ZNF221: variants seen among roughly 807,000 people sequenced by gnomAD.
ZNF221 encodes the protein zinc finger protein 221.
ZNF221 carries 10 observed loss-of-function variants against 12.6 expected under a neutral mutation model. That is an observed-to-expected ratio of 0.79 (90% CI 0.49 to 1.34). The LOEUF (loss-of-function observed/expected upper bound fraction) is 1.34. ZNF221 is among the 40% of genes most tolerant of loss of function. The pLI is 0.00. For synonymous variants in ZNF221, 232 were observed against 244.0 expected (o/e 0.95, Z 0.46); for missense variants, 661 against 721.4 (o/e 0.92, Z 0.96).
chr19:43,976,176 C>T, the ZNF221 span, among the ~76,000 whole-genome samples: 1 of 151,952 alleles, frequency 6.6e-6, no homozygotes, highest in Non-Finnish European at 1.5e-5. Context: ...GAATTATAGG[C>T]ATGAGCCACC....
chr19:43,966,887 G>A lies in ZNF221; in HGVS notation c.1385G>A (p.Arg462Lys), dbSNP rs774620276. ...CEECGKDYKR[R>K]LDLEFHQRVH... The stretch of plus-strand genomic sequence containing the variant: ...GAGTGTGGTAAGGACTATAAAAGGA[G>A]GTTGGATCTTGAGTTTCACCAGAGG... The change falls in exon 5 of 5, where the codon AGG becomes AAG. Residue 462 changes from arginine to lysine, a missense_variant. Transcript: ENST00000587682. The A allele has an allele frequency of 3.8e-5, 62 of 1,614,046 alleles. No individual in the cohort carries two copies. Among genetic ancestry groups the A allele is most frequent in the Non-Finnish European group, 5.2e-5 (61 of 1,180,054 alleles).
At position 43,957,582 on chromosome 19, in the gene ZNF221, A is replaced by G. The variant is rs148129201; in HGVS notation, c.-2-5143A>G. Among the ~76,000 whole-genome samples, 3 of 151,800 alleles carry G rather than the reference A, an allele frequency of 2.0e-5. No homozygotes were observed. In the East Asian group the frequency reaches 5.8e-4, roughly 29 times the overall value. On this transcript the variant is annotated intron_variant, in intron 1 of 4. Transcript: ENST00000587682. ...TCACCCTGTTGGAATGAGTCCCATG[A>G]CTCTCTCTCTTTCTTCTTAGTTTCA...
chr19:43,966,871 A>G lies in ZNF221; in HGVS notation c.1369A>G (p.Lys457Glu), dbSNP rs1245219172. Residue 457 changes from lysine (K) to glutamate (E), a missense_variant, in exon 5 of 5, where the codon AAG becomes GAG. By Grantham distance (56) the Lys-to-Glu change is moderately conservative. Transcript: ENST00000587682. ...GCCATATAACTGTGAGGAGTGTGGTAAGGACTATAAAAGGAGGTTGGATCT... is the reference window on the plus strand; with the variant it reads ...GCCATATAACTGTGAGGAGTGTGGTGAGGACTATAAAAGGAGGTTGGATCT... The part of the protein sequence containing the change: ...EKPYNCEECG[K>E]DYKRRLDLEF... 1 of 1,614,232 alleles carries G rather than the reference A, an allele frequency of 6.2e-7. No homozygotes were observed. Among genetic ancestry groups the G allele is most frequent in the East Asian group, 2.2e-5 (1 of 44,890 alleles).
chr19:43,976,523 C>T, the ZNF221 span, among the ~76,000 whole-genome samples: 7 of 152,106 alleles, frequency 4.6e-5, no homozygotes, highest in Middle Eastern at 3.4e-3. Flanking sequence ...GGCAACAGAG[C>T]GAGACTTCAT....
At chr19:43,964,538 G>A (rs984871964) in intron 2 of ZNF221, among the ~76,000 whole-genome samples, 3 of 152,190 alleles carry the variant, frequency 2.0e-5, no homozygotes, top group Non-Finnish European at 4.4e-5. Context: ...CACAGTTTGA[G>A]TATGAAAGGA....
chr19:43,964,821 G>T, intron 2 of ZNF221, 129 bp from the exon 3 acceptor site: 1 of 1,238,694 alleles, frequency 8.1e-7, no homozygotes, highest in Admixed American at 2.1e-5. Flanking sequence ...TGGGAAATCT[G>T]TATGTTGACC....
intron 2 of ZNF221, 143 bp from the exon 3 acceptor site, chr19:43,964,807 T>C: frequency 9.0e-7 from 1 of 1,111,978 alleles, no homozygotes; most frequent in Non-Finnish European, 1.3e-6. Flanking sequence ...ATAGGCAGAA[T>C]GAGTGGGAAA....
intron 1 of ZNF221, 99 bp from the exon 2 acceptor site, chr19:43,962,626 A>G: frequency 4.3e-6 from 5 of 1,172,204 alleles, no homozygotes; most frequent in Non-Finnish European, 6.4e-6. Context: ...GCTGCTATGA[A>G]CATTCATGTG....
At chr19:43,954,584 C>T (rs143011720) in intron 1 of ZNF221, among the ~76,000 whole-genome samples, 83 of 152,266 alleles carry the variant, frequency 5.5e-4, no homozygotes, top group Non-Finnish European at 1.0e-3. Context: ...GTTATATTCA[C>T]TGTTAGCCCA....
intron 1 of ZNF221, among the ~76,000 whole-genome samples, chr19:43,952,031 G>A (rs1333967158): frequency 6.6e-6 from 1 of 150,928 alleles, no homozygotes; most frequent in Admixed American, 6.6e-5. Context: ...CCGCTACCAC[G>A]CCCGGCTAAT....
chr19:43,954,193 G>C (rs1974719364), intron 1 of ZNF221, among the ~76,000 whole-genome samples: 1 of 151,978 alleles, frequency 6.6e-6, no homozygotes, highest in South Asian at 2.1e-4. Flanking sequence ...AAGCCACTCA[G>C]GTTTGCTGGC....
At chr19:43,952,270 A>G (rs899635907) in intron 1 of ZNF221, among the ~76,000 whole-genome samples, 4 of 152,240 alleles carry the variant, frequency 2.6e-5, no homozygotes, top group African/African-American at 9.6e-5. Context: ...TGACACAACC[A>G]TGGTATTTTG....
chr19:43,960,715 T>C (rs113345358), intron 1 of ZNF221, among the ~76,000 whole-genome samples: 4 of 152,304 alleles, frequency 2.6e-5, no homozygotes, highest in African/African-American at 9.6e-5. Context: ...GCAGGCTGGG[T>C]TGCAGCTCCA....
At chr19:43,958,488 C>G (rs1974793687) in intron 1 of ZNF221, among the ~76,000 whole-genome samples, 1 of 152,176 alleles carries the variant, frequency 6.6e-6, no homozygotes, top group Non-Finnish European at 1.5e-5. Context: ...ATTACCATGT[C>G]TTTTATCCAG....
intron 1 of ZNF221, among the ~76,000 whole-genome samples, chr19:43,961,200 C>T (rs947991100): frequency 1.3e-5 from 2 of 152,220 alleles, no homozygotes; most frequent in African/African-American, 2.4e-5. Flanking sequence ...CCTGCCTCAG[C>T]CTCCCAAGTA....
At chr19:43,957,339 C>A (rs1354000325) in intron 1 of ZNF221, among the ~76,000 whole-genome samples, 1 of 152,012 alleles carries the variant, frequency 6.6e-6, no homozygotes, top group Non-Finnish European at 1.5e-5. Flanking sequence ...CACCACCACA[C>A]CTGGCTAATT....
At chr19:43,973,206 T>A in the ZNF221 span, among the ~76,000 whole-genome samples, 1 of 152,190 alleles carries the variant, frequency 6.6e-6, no homozygotes, top group Non-Finnish European at 1.5e-5. Context: ...CATCCCTTCA[T>A]GCTAAAAGCT....
chr19:43,961,218 T>G (rs903557556), intron 1 of ZNF221, among the ~76,000 whole-genome samples: 4 of 152,222 alleles, frequency 2.6e-5, no homozygotes, highest in African/African-American at 9.6e-5. Flanking sequence ...GTAGCTGGGA[T>G]TACAGGCTCA....
downstream of ZNF221, among the ~76,000 whole-genome samples, chr19:43,970,080 GT>G (rs1975064509): frequency 6.6e-6 from 1 of 152,182 alleles, no homozygotes; most frequent in Non-Finnish European, 1.5e-5. Context: ...CATCTTTGCT[GT>G]TTTGCAGCTT....
Sources: allele counts gnomAD v4.1 joint callset (sites outside exome capture counted in the v4.1 genomes callset), GRCh38; gene constraint gnomAD v4.1.1; transcripts MANE v1.5; gene names NCBI Gene and HGNC (gene_info 2026-07-23, HGNC 2026-07-21).